Variants in RBFOX1 observed in about 807,000 individuals in gnomAD.
RBFOX1 encodes RNA binding protein fox-1 homolog 1.
RBFOX1 carries 8 observed loss-of-function variants against 57.7 expected under a neutral mutation model. The observed-to-expected ratio is 0.14, with a 90% CI of 0.08 to 0.25. The LOEUF is 0.25. Ranked by LOEUF, RBFOX1 falls within the 10% of genes least tolerant of loss-of-function variation. The pLI is 1.00. For synonymous variants in RBFOX1, 326 were observed against 222.4 expected, an observed-to-expected ratio of 1.47 and a Z score of -4.15; for missense variants, 611 against 548.5, an observed-to-expected ratio of 1.11 and a Z score of -1.14.
At chr16:6,732,452 G>C (rs1339642003) in intron 3 of RBFOX1, among the ~76,000 whole-genome samples, 1 of 152,222 alleles carries the variant, frequency 6.6e-6, no homozygotes, top group African/African-American at 2.4e-5. Context: ...AGTTTATTGA[G>C]GATGGTGAGG....
At chr16:7,655,374 G>A (rs142584639) in intron 12 of RBFOX1, among the ~76,000 whole-genome samples, 73 of 152,306 alleles carry the variant, frequency 4.8e-4, no homozygotes, top group African/African-American at 1.6e-3. Context: ...CTCTCTCTAT[G>A]CATACACATA....
chr16:6,471,110 C>T (rs1028340893), intron 2 of RBFOX1, among the ~76,000 whole-genome samples: 15 of 152,172 alleles, frequency 9.9e-5, no homozygotes, highest in African/African-American at 3.6e-4. Context: ...ACCTGTGCCC[C>T]CTTTCCCTGC....
At chr16:7,274,838 C>T (rs2095409738) in intron 4 of RBFOX1, among the ~76,000 whole-genome samples, 1 of 151,968 alleles carries the variant, frequency 6.6e-6, no homozygotes, top group Non-Finnish European at 1.5e-5. Flanking sequence ...GTGTGTGCCA[C>T]CACACCTGGC....
intron 2 of RBFOX1, among the ~76,000 whole-genome samples, chr16:5,591,913 T>C (rs1228200308): frequency 2.0e-5 from 3 of 152,242 alleles, no homozygotes; most frequent in Non-Finnish European, 4.4e-5. Flanking sequence ...CCGAATATTA[T>C]CAACTTTTAA....
chr16:7,451,620 A>T (rs2098859408), intron 4 of RBFOX1, among the ~76,000 whole-genome samples: 1 of 152,100 alleles, frequency 6.6e-6, no homozygotes, highest in Admixed American at 6.5e-5. Flanking sequence ...CTTAGATTGG[A>T]CTATGCTAAC....
chr16:5,476,230 A>G (rs1056698047), intron 2 of RBFOX1, among the ~76,000 whole-genome samples: 9 of 152,326 alleles, frequency 5.9e-5, no homozygotes, highest in African/African-American at 1.9e-4. Context: ...CAGTGTACAC[A>G]TATCGCAAAA....
At chr16:5,828,587 T>C (rs1039651740) in intron 3 of RBFOX1, among the ~76,000 whole-genome samples, 2 of 152,046 alleles carry the variant, frequency 1.3e-5, no homozygotes, top group Non-Finnish European at 2.9e-5. Context: ...TAGTCCCAGC[T>C]ACTCGGGAGG....
chr16:6,780,357 A>G (rs1302453027), intron 3 of RBFOX1, among the ~76,000 whole-genome samples: 1 of 100,150 alleles, frequency 1.0e-5, no homozygotes, highest in African/African-American at 4.6e-5. Context: ...ATACATATTT[A>G]TATACATATT....
chr16:6,895,513 G>A (rs1490847878), intron 3 of RBFOX1, among the ~76,000 whole-genome samples: 1 of 134,980 alleles, frequency 7.4e-6, no homozygotes, highest in Non-Finnish European at 1.6e-5. Flanking sequence ...ATAACAAGCT[G>A]TCGATTCCTC....
intron 3 of RBFOX1, among the ~76,000 whole-genome samples, chr16:7,044,555 C>G (rs555592864): frequency 6.6e-6 from 1 of 152,264 alleles, no homozygotes; most frequent in African/African-American, 2.4e-5. Context: ...CAGTTTCTAA[C>G]CTTTCATAAG....
At chr16:6,749,616 A>G (rs897196522) in intron 3 of RBFOX1, among the ~76,000 whole-genome samples, 1 of 152,120 alleles carries the variant, frequency 6.6e-6, no homozygotes, top group Non-Finnish European at 1.5e-5. Flanking sequence ...TATTGACCTC[A>G]TATACATTCT....
At chr16:6,809,951 G>A (rs1057502408) in intron 3 of RBFOX1, among the ~76,000 whole-genome samples, 2 of 151,616 alleles carry the variant, frequency 1.3e-5, no homozygotes, top group African/African-American at 4.8e-5. Context: ...CTTGTCCTGA[G>A]TTGAGATTGA....
chr16:7,077,425 A>T (rs2058479360), intron 4 of RBFOX1, among the ~76,000 whole-genome samples: 1 of 152,250 alleles, frequency 6.6e-6, no homozygotes, highest in Non-Finnish European at 1.5e-5. Flanking sequence ...TACTACATTT[A>T]TTAGCATCAA....
chr16:7,094,744 C>CTCTGTG (rs1760216106), intron 4 of RBFOX1, among the ~76,000 whole-genome samples: 1 of 139,352 alleles, frequency 7.2e-6, no homozygotes, highest in African/African-American at 2.6e-5. Context: ...GACTGTACAG[C>CTCTGTG]TGTGTGTGTG....
chr16:7,257,274 G>C (rs561600691), intron 4 of RBFOX1, among the ~76,000 whole-genome samples: 1 of 152,240 alleles, frequency 6.6e-6, no homozygotes, highest in African/African-American at 2.4e-5. Context: ...GAGGAAGTGA[G>C]AGTATCATTT....
At chr16:5,345,890 C>T (rs2065128554) in intron 1 of RBFOX1, among the ~76,000 whole-genome samples, 1 of 152,184 alleles carries the variant, frequency 6.6e-6, no homozygotes, top group South Asian at 2.1e-4. Context: ...AGGATAGGTT[C>T]ACCCTCCAGA....
rs529476473 is a variant in RBFOX1, at chr16:7,566,527, G to C, written c.271-13250G>C. Among the ~76,000 whole-genome samples the C allele has an allele frequency of 3.9e-5, 6 of 152,236 alleles. No individual in the cohort carries two copies. The South Asian group carries it at 6.2e-4, about 16-fold the overall frequency. ...TTCAAACCTTCCATCTCCTGGCTGT[G>C]TGACTTCGGACAGATCGCCTAACCT... On this transcript the variant is annotated intron_variant, in intron 5 of 15. Coordinates refer to ENST00000550418, the MANE Select transcript of RBFOX1 (RefSeq NM_018723.4).
At chr16:7,151,966 G>A (rs1242168503) in intron 4 of RBFOX1, among the ~76,000 whole-genome samples, 1 of 152,178 alleles carries the variant, frequency 6.6e-6, no homozygotes, top group Non-Finnish European at 1.5e-5. Flanking sequence ...CTCACCTGCT[G>A]CTTACCTCCT....
At chr16:6,904,424 A>T (rs941730606) in intron 3 of RBFOX1, among the ~76,000 whole-genome samples, 2 of 151,652 alleles carry the variant, frequency 1.3e-5, no homozygotes, top group Admixed American at 1.3e-4. Context: ...AACATGGTGA[A>T]TCCTCCTGTC....
Sources: allele counts gnomAD v4.1 joint callset (sites outside exome capture counted in the v4.1 genomes callset), GRCh38; gene constraint gnomAD v4.1.1; transcripts MANE v1.5; gene names NCBI Gene and HGNC (gene_info 2026-07-23, HGNC 2026-07-21).